LRRTM4: variants seen among roughly 807,000 people sequenced by gnomAD.
LRRTM4 encodes leucine-rich repeat transmembrane neuronal protein 4.
LRRTM4 carries 25 observed loss-of-function variants against 47.6 expected under a neutral mutation model. The observed-to-expected ratio is 0.53, with a 90% CI of 0.38 to 0.73. The LOEUF (loss-of-function observed/expected upper bound fraction) is 0.73, where lower values mean the gene tolerates loss of function less well. LRRTM4 is among the 30% of genes least tolerant of loss of function. The pLI, the probability that LRRTM4 is intolerant of heterozygous loss-of-function variation, is 0.00. For synonymous variants in LRRTM4, 311 were observed against 269.5 expected, an observed-to-expected ratio of 1.15 and a Z score of -1.51; for missense variants, 638 against 713.4, an observed-to-expected ratio of 0.89 and a Z score of 1.20.
At chr2:77,307,957 A>G (rs1257143630) in intron 3 of LRRTM4, among the ~76,000 whole-genome samples, 1 of 113,300 alleles carries the variant, frequency 8.8e-6, no homozygotes, top group Non-Finnish European at 1.6e-5. Context: ...AAATATATAG[A>G]TATATCTATA....
intron 3 of LRRTM4, among the ~76,000 whole-genome samples, chr2:77,492,881 C>T (rs529810012): frequency 2.0e-4 from 30 of 152,192 alleles, no homozygotes; most frequent in African/African-American, 7.0e-4. Context: ...ATGCCCAAAT[C>T]TCATGTTACT....
At chr2:77,140,808 G>A (rs915847239) in intron 3 of LRRTM4, among the ~76,000 whole-genome samples, 5 of 152,246 alleles carry the variant, frequency 3.3e-5, no homozygotes, top group African/African-American at 9.6e-5. Context: ...AAAAGTGGGT[G>A]AAGGATATGA....
At chr2:76,783,000 G>A (rs950839329) in intron 3 of LRRTM4, among the ~76,000 whole-genome samples, 1 of 151,622 alleles carries the variant, frequency 6.6e-6, no homozygotes, top group African/African-American at 2.4e-5. Flanking sequence ...CTTTATTCTT[G>A]TTCAGCCATA....
chr2:76,940,573 CAACA>C (rs1039643006), intron 3 of LRRTM4, among the ~76,000 whole-genome samples: 2 of 152,118 alleles, frequency 1.3e-5, no homozygotes, highest in Admixed American at 6.5e-5. Context: ...ATAATCTGTA[CAACA>C]AACCCCCATG....
intron 3 of LRRTM4, among the ~76,000 whole-genome samples, chr2:77,353,971 C>T (rs1258518856): frequency 6.6e-6 from 1 of 152,164 alleles, no homozygotes; most frequent in East Asian, 1.9e-4. Context: ...GGCTATTCCG[C>T]AGGCAGTGTG....
At chr2:77,068,845 G>T (rs1189669961) in intron 3 of LRRTM4, among the ~76,000 whole-genome samples, 1 of 152,346 alleles carries the variant, frequency 6.6e-6, no homozygotes, top group Non-Finnish European at 1.5e-5. Flanking sequence ...TACGCTGGAA[G>T]GTTGTGGGTT....
intron 3 of LRRTM4, among the ~76,000 whole-genome samples, chr2:77,338,884 T>C (rs1163808509): frequency 6.6e-6 from 1 of 151,950 alleles, no homozygotes; most frequent in Admixed American, 6.6e-5. Context: ...ATGAAGAAAA[T>C]GTGCTACATA....
intron 3 of LRRTM4, among the ~76,000 whole-genome samples, chr2:77,207,081 ATTC>A (rs1482902160): frequency 2.7e-5 from 4 of 149,950 alleles, no homozygotes; most frequent in African/African-American, 9.8e-5. Flanking sequence ...AATGTGACTT[ATTC>A]TTCTTTCTTT....
At chr2:76,851,644 T>A (rs1671998290) in intron 3 of LRRTM4, among the ~76,000 whole-genome samples, 1 of 152,094 alleles carries the variant, frequency 6.6e-6, no homozygotes, top group African/African-American at 2.4e-5. Flanking sequence ...AGGGCTCAAT[T>A]TTCTTATTAA....
intron 3 of LRRTM4, among the ~76,000 whole-genome samples, chr2:77,512,786 G>A (rs1265402804): frequency 6.6e-6 from 1 of 152,070 alleles, no homozygotes; most frequent in African/African-American, 2.4e-5. Flanking sequence ...ATTGGGGTGT[G>A]TCAAAAGCTA....
chr2:77,278,380 C>T (rs1293503883), intron 3 of LRRTM4, among the ~76,000 whole-genome samples: 7 of 151,828 alleles, frequency 4.6e-5, no homozygotes, highest in Non-Finnish European at 1.0e-4. Flanking sequence ...TAACATTGTC[C>T]TATAACAGCT....
intron 3 of LRRTM4, among the ~76,000 whole-genome samples, chr2:77,005,359 G>A (rs535212896): frequency 5.9e-5 from 9 of 152,246 alleles, no homozygotes; most frequent in African/African-American, 2.2e-4. Flanking sequence ...TGGTCAGGCT[G>A]GTCTTGAACT....
At chr2:77,338,754 T>C (rs541324626) in intron 3 of LRRTM4, among the ~76,000 whole-genome samples, 26 of 152,152 alleles carry the variant, frequency 1.7e-4, no homozygotes, top group South Asian at 6.2e-4. Context: ...GCTAAGTATA[T>C]ACCCAAATGA....
At chr2:76,974,268 A>G (rs1676343251) in intron 3 of LRRTM4, among the ~76,000 whole-genome samples, 1 of 146,272 alleles carries the variant, frequency 6.8e-6, no homozygotes, top group Non-Finnish European at 1.5e-5. Context: ...ACACATACAT[A>G]TATATATGGA....
At chr2:76,817,545 T>A (rs944434592) in intron 3 of LRRTM4, among the ~76,000 whole-genome samples, 7 of 151,856 alleles carry the variant, frequency 4.6e-5, no homozygotes, top group Non-Finnish European at 7.4e-5. Flanking sequence ...TCAGAAAGAT[T>A]AGGAAACTTA....
rs564348753 is a variant in LRRTM4 at position 76,770,548 on chromosome 2, A to G, written c.1552-21632T>C. Among the ~76,000 whole-genome samples, 588 of 152,268 alleles carry G rather than the reference A, an allele frequency of 3.9e-3. 10 individuals carry two copies. In the South Asian group the frequency reaches 0.05, roughly 13 times the overall value. On this transcript the variant is annotated intron_variant, in intron 3 of 3. Transcript: ENST00000409884. ...TGTGTTCTCTATTTAAATGTTTGTT[A>G]ATGTTTTAATTTCGGGATGAAAAGG...
intron 3 of LRRTM4, among the ~76,000 whole-genome samples, chr2:76,957,993 G>A (rs1192833043): frequency 2.0e-5 from 3 of 151,334 alleles, no homozygotes; most frequent in African/African-American, 7.3e-5. Flanking sequence ...ATTGTTATTT[G>A]TTCCAATTTT....
intron 3 of LRRTM4, among the ~76,000 whole-genome samples, chr2:76,823,887 ATTAC>A (rs1459026654): frequency 6.6e-6 from 1 of 151,558 alleles, no homozygotes; most frequent in Admixed American, 6.6e-5. Flanking sequence ...ACATGCATGT[ATTAC>A]TTTCTATAAT....
Position 77,162,911 on chromosome 2 carries a change from C to T in LRRTM4, c.1551+355407G>A, listed in dbSNP as rs148405005. On this transcript the variant is annotated intron_variant, in intron 3 of 3. Coordinates refer to ENST00000409884, the MANE Select transcript of LRRTM4 (RefSeq NM_001134745.3). ...GCTGAAAATTTTAAAAATCAGAGCA[C>T]CTCTTCTCCTCCAAAGGAATGCAGC... Among the ~76,000 whole-genome samples the T allele has an allele frequency of 8.9e-3, 1,356 of 152,274 alleles. 30 individuals are homozygous for T. Among genetic ancestry groups the T allele is most frequent in the African/African-American group, 0.031 (1,304 of 41,546 alleles).
Sources: gnomAD v4.1 joint callset for allele counts (sites outside exome capture counted in the v4.1 genomes callset) on GRCh38, gnomAD v4.1.1 for gene constraint, MANE v1.5 for transcripts, NCBI Gene and HGNC (gene_info 2026-07-23, HGNC 2026-07-21) for gene names.